Variants in TTC7B observed in about 807,000 individuals in gnomAD.
TTC7B encodes tetratricopeptide repeat protein 7B.
TTC7B carries 28 observed loss-of-function variants against 106.8 expected under a neutral mutation model. The ratio of observed to expected loss-of-function variants is 0.26; its 90% CI spans 0.19 to 0.36. TTC7B has a LOEUF of 0.36. Ranked by LOEUF, TTC7B falls within the 10% of genes least tolerant of loss-of-function variation. TTC7B has a pLI of 1.00. For missense variants in TTC7B, 862 were observed against 1,076.4 expected, an observed-to-expected ratio of 0.80 and a Z score of 2.79; for synonymous variants, 405 against 430.6, an observed-to-expected ratio of 0.94 and a Z score of 0.74.
At chr14:90,707,840 T>C (rs1888272974) in intron 5 of TTC7B, among the ~76,000 whole-genome samples, 1 of 152,088 alleles carries the variant, frequency 6.6e-6, no homozygotes, top group Non-Finnish European at 1.5e-5. Flanking sequence ...AAAGAAGCTG[T>C]TTCTATGATA....
intron 3 of TTC7B, among the ~76,000 whole-genome samples, chr14:90,748,620 C>A (rs1369988611): frequency 6.6e-6 from 1 of 152,120 alleles, no homozygotes; most frequent in African/African-American, 2.4e-5. Flanking sequence ...AGCCACCATG[C>A]CCAGCTCCTA....
At chr14:90,629,505 A>G (rs1884597084) in intron 15 of TTC7B, among the ~76,000 whole-genome samples, 1 of 152,244 alleles carries the variant, frequency 6.6e-6, no homozygotes, top group Non-Finnish European at 1.5e-5. Flanking sequence ...AAGAGCTACC[A>G]GGCTACTCTG....
intron 15 of TTC7B, among the ~76,000 whole-genome samples, chr14:90,626,333 C>T (rs1296018093): frequency 6.6e-6 from 1 of 152,142 alleles, no homozygotes; most frequent in Admixed American, 6.5e-5. Flanking sequence ...ATTAAGCCCC[C>T]AAAGGAAGGC....
chr14:90,672,344 A>G (rs1169639097), intron 9 of TTC7B, among the ~76,000 whole-genome samples: 3 of 152,164 alleles, frequency 2.0e-5, no homozygotes, highest in African/African-American at 7.2e-5. Context: ...CCACACGGTG[A>G]TATGTCTAGA....
At chr14:90,586,857 C>T (rs1237419174) in intron 18 of TTC7B, among the ~76,000 whole-genome samples, 1 of 152,174 alleles carries the variant, frequency 6.6e-6, no homozygotes, top group Non-Finnish European at 1.5e-5. Context: ...CAGTTCTTCC[C>T]CAGGCTTCCT....
intron 8 of TTC7B, among the ~76,000 whole-genome samples, chr14:90,678,557 C>G (rs1370822636): frequency 6.6e-6 from 1 of 152,176 alleles, no homozygotes; most frequent in Non-Finnish European, 1.5e-5. Flanking sequence ...AAATGATTTA[C>G]AGGAAGAACA....
chr14:90,616,690 T>C (rs1017513784), intron 16 of TTC7B, among the ~76,000 whole-genome samples: 2 of 151,750 alleles, frequency 1.3e-5, no homozygotes, highest in Non-Finnish European at 2.9e-5. Flanking sequence ...CTTTGAACAT[T>C]TTTTTTTAAC....
intron 7 of TTC7B, among the ~76,000 whole-genome samples, chr14:90,688,135 C>G (rs895253364): frequency 6.6e-6 from 1 of 152,198 alleles, no homozygotes; most frequent in East Asian, 1.9e-4. Context: ...AATATTTATT[C>G]ATGTGTGTTC....
At position 90,531,088 on chromosome 14, in the gene TTC7B, A is replaced by G. The variant is rs191576066; in HGVS notation, c.*10280T>C. The stretch of plus-strand genomic sequence containing the variant: ...TGAAAATGTAAAGAGTTTTGTATTC[A>G]GTTGAAGTTGTTATGAGATTAAAAT... On this transcript the variant is annotated 3_prime_UTR_variant, in exon 20 of 20. Transcript: ENST00000328459. 7.9e-5 allele frequency: 12 copies of G among 152,366 alleles called. No homozygotes were observed. Among genetic ancestry groups the G allele is most frequent in the Admixed American group, 7.8e-4 (12 of 15,306 alleles). 9.4% of individuals were successfully genotyped at this position (152,366 alleles called of 1,614,324 possible). A position where few individuals can be genotyped will look rare whatever the true frequency, so the allele number is the denominator to read the frequency against.
At chr14:90,631,620 C>A (rs886561189) in intron 15 of TTC7B, among the ~76,000 whole-genome samples, 1 of 151,762 alleles carries the variant, frequency 6.6e-6, no homozygotes, top group Non-Finnish European at 1.5e-5. Context: ...GTTGGCCAAG[C>A]TGGTCTCGAA....
chr14:90,806,875 C>T (rs2030640031), intron 1 of TTC7B, among the ~76,000 whole-genome samples: 1 of 151,402 alleles, frequency 6.6e-6, no homozygotes, highest in African/African-American at 2.4e-5. Flanking sequence ...CCACTGCACT[C>T]CAGCCTGAGC....
chr14:90,712,259 T>C (rs972676629), intron 5 of TTC7B, among the ~76,000 whole-genome samples: 2 of 152,202 alleles, frequency 1.3e-5, no homozygotes, highest in Admixed American at 1.3e-4. Flanking sequence ...TCTTGCCACT[T>C]TTATTCAACA....
At chr14:90,633,290 G>C (rs946885445) in intron 15 of TTC7B, among the ~76,000 whole-genome samples, 1 of 152,182 alleles carries the variant, frequency 6.6e-6, no homozygotes, top group African/African-American at 2.4e-5. Flanking sequence ...CACATGAATA[G>C]GAGTGAGTAT....
chr14:90,639,423 T>C (rs1003647269), intron 15 of TTC7B, among the ~76,000 whole-genome samples: 6 of 152,158 alleles, frequency 3.9e-5, no homozygotes, highest in African/African-American at 1.4e-4. Context: ...GAATGACCAA[T>C]AGACAAATAA....
chr14:90,656,412 T>C (rs1232896211), intron 11 of TTC7B, among the ~76,000 whole-genome samples: 1 of 152,248 alleles, frequency 6.6e-6, no homozygotes. Context: ...TATTTTCTAC[T>C]CAAATGATGT....
rs186778337 is a variant in TTC7B at position 90,759,322 on chromosome 14, T to C, written c.446-14400A>G. 1.7e-3 allele frequency among the ~76,000 whole-genome samples: 255 copies of C among 152,130 alleles called. 1 individual carries two copies. In the Middle Eastern group the frequency reaches 0.02, roughly 12 times the overall value. On this transcript the variant is annotated intron_variant, in intron 3 of 19. Transcript: ENST00000328459. The surrounding 1 kb of genome is among the most constrained non-coding windows in gnomAD (Gnocchi z 4.1). The stretch of plus-strand genomic sequence containing the variant: ...AAGAAAATGAACACCAGACATGGTT[T>C]GGAAACGATGGAAGCCAAGGGATGG...
chr14:90,755,193 G>A (rs1890250958), intron 3 of TTC7B, among the ~76,000 whole-genome samples: 1 of 152,184 alleles, frequency 6.6e-6, no homozygotes, highest in Non-Finnish European at 1.5e-5. Flanking sequence ...TCTTGTGTGG[G>A]CACACATTTC....
intron 1 of TTC7B, among the ~76,000 whole-genome samples, chr14:90,799,899 G>A (rs921982849): frequency 7.2e-5 from 11 of 152,058 alleles, no homozygotes; most frequent in African/African-American, 2.4e-4. Context: ...GCACGATCTC[G>A]GCTCACTGCA....
intron 3 of TTC7B, among the ~76,000 whole-genome samples, chr14:90,771,205 T>G (rs1268718639): frequency 6.6e-6 from 1 of 152,104 alleles, no homozygotes; most frequent in African/African-American, 2.4e-5. Flanking sequence ...GTTATACGTG[T>G]TTTACCAAAA....
Sources: gnomAD v4.1 joint callset for allele counts (sites outside exome capture counted in the v4.1 genomes callset) on GRCh38, gnomAD v4.1.1 for gene constraint, Gnocchi (gnomAD v3.1) non-coding constraint, MANE v1.5 for transcripts, NCBI Gene and HGNC (gene_info 2026-07-23, HGNC 2026-07-21) for gene names.